HECW2: variants seen among roughly 807,000 people sequenced by gnomAD.
HECW2 encodes E3 ubiquitin-protein ligase HECW2.
HECW2 carries 61 observed loss-of-function variants against 175.2 expected under a neutral mutation model. That is an observed-to-expected ratio of 0.35 (90% CI 0.28 to 0.43). HECW2 has a LOEUF of 0.43. Ranked by LOEUF, HECW2 falls within the 20% of genes least tolerant of loss-of-function variation. The pLI, the probability that HECW2 is intolerant of heterozygous loss-of-function variation, is 1.00. For missense variants in HECW2, 1,524 were observed against 2,000.5 expected (o/e 0.76, Z 4.54); for synonymous variants, 671 against 731.0 (o/e 0.92, Z 1.32).
chr2:196,457,023 A>G (rs1358402), intron 1 of HECW2, among the ~76,000 whole-genome samples: 32,957 of 152,142 alleles, frequency 0.22, 4,093 homozygotes, highest in African/African-American at 0.34. Flanking sequence ...ACCAAGCTTC[A>G]AGCAAAGAAG....
intron 1 of HECW2, among the ~76,000 whole-genome samples, chr2:196,590,008 A>C (rs1169696782): frequency 2.6e-5 from 4 of 152,120 alleles, no homozygotes; most frequent in Admixed American, 2.6e-4. Context: ...TTTTTCTTAT[A>C]TATTTTTCAG....
At chr2:196,338,449 C>T (rs1480197443) in intron 3 of HECW2, among the ~76,000 whole-genome samples, 2 of 152,098 alleles carry the variant, frequency 1.3e-5, no homozygotes, top group Non-Finnish European at 2.9e-5. Flanking sequence ...CGTATATTAC[C>T]TATTCAAAAT....
rs574833257 is a variant in HECW2 at position 196,405,566 on chromosome 2, AC to A, written c.292+27565del. On this transcript the variant is annotated intron_variant, in intron 2 of 28. Coordinates refer to ENST00000644978, the MANE Select transcript of HECW2 (RefSeq NM_001348768.2). ...ATGTCTCTGCTCCTGTTGAAGTCCA[AC>A]CCCCCATCTTATGCTCTAAATCCCA... is the stretch of plus-strand genomic sequence containing the variant. 2.1e-3 allele frequency among the ~76,000 whole-genome samples: 317 copies of A among 151,764 alleles called. 2 individuals carry two copies. Among genetic ancestry groups the A allele is most frequent in the African/African-American group, 7.3e-3 (303 of 41,318 alleles).
At chr2:196,514,505 CA>C in intron 1 of HECW2, among the ~76,000 whole-genome samples, 1 of 152,334 alleles carries the variant, frequency 6.6e-6, no homozygotes, top group African/African-American at 2.4e-5. Flanking sequence ...AAGCCAAGGA[CA>C]GTCTGAAGCC....
rs577136354 is a variant in HECW2 at position 196,555,869 on chromosome 2, C to A, written c.-36+37639G>T. 2.2e-3 allele frequency among the ~76,000 whole-genome samples: 342 copies of A among 152,358 alleles called. 1 individual carries two copies. The highest frequency in any genetic ancestry group is 1.3e-3 in the Non-Finnish European group (88 of 68,040). On this transcript the variant is annotated intron_variant, in intron 1 of 28. Transcript: ENST00000644978. ...CTTCAAAACTCCTTTCCAGCCATTTCTTGACATAATCCTGCTTTATCTTTC... is the reference window on the plus strand; with the variant it reads ...CTTCAAAACTCCTTTCCAGCCATTTATTGACATAATCCTGCTTTATCTTTC...
At chr2:196,363,737 G>A (rs953827426) in intron 2 of HECW2, among the ~76,000 whole-genome samples, 8 of 152,100 alleles carry the variant, frequency 5.3e-5, no homozygotes, top group African/African-American at 1.9e-4. Context: ...GGTGGGAGGA[G>A]CGCTTGAGCC....
At chr2:196,204,131 C>G (rs773518542) in intron 28 of HECW2, among the ~76,000 whole-genome samples, 3 of 152,076 alleles carry the variant, frequency 2.0e-5, no homozygotes, top group Admixed American at 6.6e-5. Flanking sequence ...TTTTTTCCTA[C>G]CGTTTGGCTA....
At chr2:196,491,450 C>A (rs1289123214) in intron 1 of HECW2, among the ~76,000 whole-genome samples, 1 of 144,548 alleles carries the variant, frequency 6.9e-6, no homozygotes. Flanking sequence ...CATATATACA[C>A]ACTTAGGTAT....
chr2:196,290,527 T>C (rs1690566795), intron 14 of HECW2: 1 of 152,176 alleles, frequency 6.6e-6, no homozygotes, highest in African/African-American at 2.4e-5. Context: ...TTATCTTAAC[T>C]TGGGTTTTCC....
chr2:196,320,465 A>G, intron 7 of HECW2, 26 bp from the exon 8 acceptor site: 2 of 1,491,594 alleles, frequency 1.3e-6, no homozygotes, highest in Admixed American at 1.7e-5. Context: ...TGCTTCTTTC[A>G]TCCTGACTAC....
At chr2:196,243,782 T>C (rs1688551315) in intron 19 of HECW2, among the ~76,000 whole-genome samples, 3 of 152,158 alleles carry the variant, frequency 2.0e-5, no homozygotes, top group Admixed American at 2.0e-4. Context: ...TTTCTCCATG[T>C]TGGTCAGGCT....
Position 196,324,962 on chromosome 2 carries a change from C to A in HECW2, c.741+18G>T, listed in dbSNP as rs199831021. On this transcript the variant is annotated intron_variant, in intron 6 of 28. Transcript: ENST00000644978. ...ACTTCCTCACCATCAAGTAGGAGAC[C>A]CCCGAGGATCATCTTACCTCTCGGT... The A allele has an allele frequency of 1.9e-4, 286 of 1,540,692 alleles. No homozygotes were observed. The African/African-American group carries it at 3.6e-3, about 19-fold the overall frequency.
chr2:196,231,944 G>A (rs1051596230), intron 21 of HECW2, among the ~76,000 whole-genome samples: 4 of 152,108 alleles, frequency 2.6e-5, no homozygotes, highest in South Asian at 2.1e-4. Flanking sequence ...AGCAGAGATC[G>A]CGCCACTGCA....
At chr2:196,372,887 T>G (rs749016455) in intron 2 of HECW2, among the ~76,000 whole-genome samples, 29 of 152,276 alleles carry the variant, frequency 1.9e-4, no homozygotes, top group Non-Finnish European at 3.4e-4. Context: ...AATGGACACC[T>G]TTTTAGCTGT....
At chr2:196,356,699 A>C (rs1693380480) in intron 2 of HECW2, among the ~76,000 whole-genome samples, 1 of 152,216 alleles carries the variant, frequency 6.6e-6, no homozygotes. Flanking sequence ...ACAATCAAAG[A>C]AGCTATTTTG....
chr2:196,375,682 C>A (rs1288500033), intron 2 of HECW2, among the ~76,000 whole-genome samples: 1 of 152,180 alleles, frequency 6.6e-6, no homozygotes, highest in South Asian at 2.1e-4. Context: ...ATATTGGTAT[C>A]ATGCAATGGC....
At chr2:196,237,153 T>C (rs761404576) in intron 21 of HECW2, among the ~76,000 whole-genome samples, 2 of 152,214 alleles carry the variant, frequency 1.3e-5, no homozygotes, top group Non-Finnish European at 2.9e-5. Flanking sequence ...AACAAATTGA[T>C]ATCTACCTTG....
intron 2 of HECW2, among the ~76,000 whole-genome samples, chr2:196,357,313 C>T (rs1298119762): frequency 7.3e-6 from 1 of 137,122 alleles, no homozygotes; most frequent in Non-Finnish European, 1.5e-5. Context: ...GTTTGACAAC[C>T]CTGGTGGGGG....
intron 1 of HECW2, among the ~76,000 whole-genome samples, chr2:196,558,637 C>T (rs538338700): frequency 2.1e-4 from 32 of 152,300 alleles, no homozygotes; most frequent in African/African-American, 6.0e-4. Flanking sequence ...GACATGTTGG[C>T]GTATCCCTTG....
Sources: allele counts gnomAD v4.1 joint callset (sites outside exome capture counted in the v4.1 genomes callset), GRCh38; gene constraint gnomAD v4.1.1; transcripts MANE v1.5; gene names NCBI Gene and HGNC (gene_info 2026-07-23, HGNC 2026-07-21).